The following CARMIL1 variants were observed in gnomAD, a reference collection of about 807,000 sequenced individuals.
CARMIL1 encodes F-actin-uncapping protein LRRC16A.
CARMIL1 carries 90 observed loss-of-function variants against 177.1 expected under a neutral mutation model. The observed-to-expected ratio is 0.51, with a 90% CI of 0.43 to 0.61. The LOEUF is 0.61. Ranked by LOEUF, CARMIL1 falls within the 20% of genes least tolerant of loss-of-function variation. CARMIL1 has a pLI of 0.00. For synonymous variants in CARMIL1, 577 were observed against 606.2 expected (o/e 0.95, Z 0.71); for missense variants, 1,380 against 1,667.0 (o/e 0.83, Z 3.00).
chr6:25,547,745 T>C (rs1034148170), intron 26 of CARMIL1, among the ~76,000 whole-genome samples: 2 of 152,226 alleles, frequency 1.3e-5, no homozygotes, highest in African/African-American at 4.8e-5. Flanking sequence ...TAAATTTTTC[T>C]GGATGAGTGT....
chr6:25,306,809 A>G (rs1293612176), intron 2 of CARMIL1, among the ~76,000 whole-genome samples: 2 of 149,828 alleles, frequency 1.3e-5, no homozygotes, highest in Non-Finnish European at 3.0e-5. Flanking sequence ...TTGAGTATAT[A>G]CCTAGGAGTG....
intron 2 of CARMIL1, chr6:25,383,643 A>G (rs1200883896): frequency 1.3e-5 from 2 of 152,200 alleles, no homozygotes; most frequent in East Asian, 3.8e-4. Context: ...AACAATAAAG[A>G]CATTAACATG....
intron 23 of CARMIL1, among the ~76,000 whole-genome samples, chr6:25,525,417 C>T (rs1806996545): frequency 6.6e-6 from 1 of 152,042 alleles, no homozygotes; most frequent in South Asian, 2.1e-4. Flanking sequence ...GAAATAAAGA[C>T]TTTCTAGGAT....
At chr6:25,432,039 T>C (rs1456946114) in intron 4 of CARMIL1, among the ~76,000 whole-genome samples, 1 of 152,222 alleles carries the variant, frequency 6.6e-6, no homozygotes, top group African/African-American at 2.4e-5. Flanking sequence ...AGCAGTACCC[T>C]TCTCTCTGTC....
At chr6:25,428,608 T>C (rs74319264) in intron 4 of CARMIL1, among the ~76,000 whole-genome samples, 3,578 of 152,304 alleles carry the variant, frequency 0.023, 111 homozygotes, top group African/African-American at 0.07. Flanking sequence ...TTAAATCACT[T>C]TGGGGAAGAG....
At chr6:25,548,553 G>A (rs967540283) in intron 26 of CARMIL1, among the ~76,000 whole-genome samples, 2 of 152,114 alleles carry the variant, frequency 1.3e-5, no homozygotes, top group African/African-American at 2.4e-5. Context: ...TTGAAGCCAC[G>A]GGAAGGATGG....
intron 2 of CARMIL1, among the ~76,000 whole-genome samples, chr6:25,350,014 A>G (rs1419835366): frequency 1.3e-5 from 2 of 152,102 alleles, no homozygotes; most frequent in African/African-American, 4.8e-5. Context: ...GGTGTGAGCC[A>G]CCACGTCCAG....
chr6:25,609,611 T>TATGC lies in CARMIL1; in HGVS notation c.3848-420_3848-417dup, dbSNP rs1382222532. 4.6e-5 allele frequency among the ~76,000 whole-genome samples: 7 copies of TATGC among 152,272 alleles called. No homozygotes were observed. In the East Asian group the frequency reaches 5.8e-4, roughly 13 times the overall value. ...CAAATTATTGTTAGTGACCTACATA[T>TATGC]ATGCATGCATGCATGCATGCATACA... On this transcript the variant is annotated intron_variant, in intron 35 of 36. Transcript: ENST00000329474.
intron 2 of CARMIL1, among the ~76,000 whole-genome samples, chr6:25,418,785 T>C (rs1795587364): frequency 6.6e-6 from 1 of 152,154 alleles, no homozygotes; most frequent in Non-Finnish European, 1.5e-5. Context: ...AAATTGATCC[T>C]GTGAATAACT....
chr6:25,487,693 G>A (rs1463597326), intron 12 of CARMIL1, among the ~76,000 whole-genome samples: 1 of 152,080 alleles, frequency 6.6e-6, no homozygotes, highest in Non-Finnish European at 1.5e-5. Context: ...ACCTCAAAGA[G>A]CTCCTTTTCC....
At chr6:25,480,251 G>C (rs1033096332) in intron 11 of CARMIL1, among the ~76,000 whole-genome samples, 12 of 151,990 alleles carry the variant, frequency 7.9e-5, no homozygotes, top group African/African-American at 2.9e-4. Context: ...GCTACTAATA[G>C]AAGTGTGTTA....
rs1243578120 is a variant in CARMIL1 at position 25,500,334 on chromosome 6, A to C, written c.1395+99A>C. 3 of 962,164 alleles carry C rather than the reference A, an allele frequency of 3.1e-6. No homozygotes were observed. In the African/African-American group the frequency reaches 4.9e-5, roughly 16 times the overall value. The allele number at this position is 962,164 out of a possible 1,614,324, so 59.6% of individuals were successfully genotyped here. ...TTGATACTGTGATTCCACAGGGTGTAAATGAAGCAGAAAAATAAATTATAC... is the reference window on the plus strand; with the variant it reads ...TTGATACTGTGATTCCACAGGGTGTCAATGAAGCAGAAAAATAAATTATAC... On this transcript the variant is annotated intron_variant, in intron 17 of 36. Transcript: ENST00000329474.
In CARMIL1 at chr6:25,600,628, G is replaced by A. The variant is rs374264491; in HGVS notation, c.3434G>A (p.Arg1145Gln). The A allele has an allele frequency of 2.8e-5, 45 of 1,613,770 alleles. No homozygotes were observed. Among genetic ancestry groups the A allele is most frequent in the African/African-American group, 1.9e-4 (14 of 74,924 alleles). The change falls in exon 33 of 37, where the codon CGG (arginine) becomes CAG (glutamine). Residue 1145 changes from arginine to glutamine, a missense_variant. Arg to Gln is a conservative substitution (Grantham distance 43, BLOSUM62 1). Coordinates refer to ENST00000329474, the MANE Select transcript of CARMIL1 (RefSeq NM_017640.6). The part of the protein sequence containing the change: ...SQGEEIGKVE[R>Q]SDSKSSPQAG... ...GGGGAAGAAATAGGGAAGGTGGAAC[G>A]GAGTGACAGCAAGAGCAGCCCACAG...
rs1581838757 is a variant in CARMIL1 at position 25,408,543 on chromosome 6, C to T, written c.139-11571C>T. On this transcript the variant is annotated intron_variant, in intron 2 of 36. Transcript: ENST00000329474. ...CCTTCTTTAATCCTTATGACAACCT[C>T]CAGTGAGGTATATATTGTGATCCCA... is the stretch of plus-strand genomic sequence containing the variant. Among the ~76,000 whole-genome samples, 4 of 152,224 alleles carry T rather than the reference C, an allele frequency of 2.6e-5. No homozygotes were observed. The South Asian group carries it at 8.3e-4, about 32-fold the overall frequency.
chr6:25,359,217 G>A (rs1274876552), intron 2 of CARMIL1, among the ~76,000 whole-genome samples: 1 of 152,188 alleles, frequency 6.6e-6, no homozygotes, highest in East Asian at 1.9e-4. Context: ...AAAGGAAGCT[G>A]GAAGGACTTG....
intron 2 of CARMIL1, among the ~76,000 whole-genome samples, chr6:25,344,412 ATTC>A (rs904978236): frequency 2.0e-5 from 3 of 152,126 alleles, no homozygotes; most frequent in African/African-American, 7.2e-5. Context: ...AGGCTTGGTC[ATTC>A]TTGCTTGACT....
At chr6:25,607,516 A>G (rs1816094013) in intron 35 of CARMIL1, among the ~76,000 whole-genome samples, 1 of 152,162 alleles carries the variant, frequency 6.6e-6, no homozygotes, top group Admixed American at 6.5e-5. Context: ...CAAGTCACGC[A>G]GCTGGTGTGT....
chr6:25,575,352 G>A (rs927093522), intron 29 of CARMIL1, among the ~76,000 whole-genome samples: 2 of 152,148 alleles, frequency 1.3e-5, no homozygotes, highest in Non-Finnish European at 2.9e-5. Context: ...TTGCTTGCCT[G>A]TCATTTTAGG....
intron 2 of CARMIL1, among the ~76,000 whole-genome samples, chr6:25,315,178 A>C (rs951661127): frequency 2.0e-5 from 3 of 152,186 alleles, no homozygotes; most frequent in Non-Finnish European, 4.4e-5. Flanking sequence ...AGTGTGGATG[A>C]GGCTCTATGT....
Sources: allele counts gnomAD v4.1 joint callset (sites outside exome capture counted in the v4.1 genomes callset), GRCh38; gene constraint gnomAD v4.1.1; transcripts MANE v1.5; gene names NCBI Gene and HGNC (gene_info 2026-07-23, HGNC 2026-07-21).